The following MICU3 variants were observed in gnomAD, a reference collection of about 807,000 sequenced individuals.
The protein encoded by MICU3 is calcium uptake protein 3, mitochondrial.
A neutral mutation model predicts 66.5 loss-of-function variants in MICU3; 62 were observed. That is an observed-to-expected ratio of 0.93 (90% confidence interval 0.76 to 1.15). The LOEUF is 1.15. Among genes scored for constraint, MICU3 ranks in the 50% most tolerant of loss-of-function variants. The pLI is 0.00. For synonymous variants in MICU3, 308 were observed against 240.7 expected (o/e 1.28, Z -2.59); for missense variants, 779 against 664.4 (o/e 1.17, Z -1.90).
chr8:17,092,732 A>C (rs1800210342), intron 8 of MICU3, among the ~76,000 whole-genome samples: 1 of 152,104 alleles, frequency 6.6e-6, no homozygotes, highest in South Asian at 2.1e-4. Flanking sequence ...CAATTAGAAA[A>C]AAATTCCAAC....
At chr8:17,049,932 C>T (rs1815776437) in intron 1 of MICU3, among the ~76,000 whole-genome samples, 1 of 151,586 alleles carries the variant, frequency 6.6e-6, no homozygotes. Flanking sequence ...TTTTTTTCAC[C>T]CTAGTGTGTA....
chr8:17,074,590 CGTGTGTGTGTGTGTGTGTGTGTGTGT>C (rs35861279), intron 3 of MICU3, among the ~76,000 whole-genome samples: 2 of 141,944 alleles, frequency 1.4e-5, no homozygotes, highest in African/African-American at 2.5e-5. Flanking sequence ...GATGTTAAAA[CGTGTGTGTGTGTGTGTGTGTGTGTGT>C]GTGTGTGTGT....
At chr8:17,032,845 C>T (rs1812326478) in intron 1 of MICU3, among the ~76,000 whole-genome samples, 1 of 152,104 alleles carries the variant, frequency 6.6e-6, no homozygotes, top group South Asian at 2.1e-4. Context: ...GTTTCTGTGT[C>T]ATGTTTTGAT....
intron 2 of MICU3, 143 bp downstream of exon 2, chr8:17,064,380 T>TCATATTTCTTACAAACTCTTCA: frequency 1.8e-6 from 1 of 546,972 alleles, no homozygotes; most frequent in East Asian, 3.1e-5. Context: ...TGTTACAGAC[T>TCATATTTCTTACAAACTCTTCA]GATATTTCTT....
intron 11 of MICU3, among the ~76,000 whole-genome samples, chr8:17,107,416 G>A (rs528199191): frequency 1.3e-5 from 2 of 152,128 alleles, no homozygotes; most frequent in South Asian, 2.1e-4. Context: ...AAAAGGTAAA[G>A]TAAGTGGACA....
chr8:17,095,766 C>T (rs1319646925), intron 8 of MICU3, among the ~76,000 whole-genome samples: 1 of 151,568 alleles, frequency 6.6e-6, no homozygotes, highest in Non-Finnish European at 1.5e-5. Flanking sequence ...TCTTTCCTTC[C>T]TCCCTTCCTT....
At chr8:17,100,054 A>C (rs942045526) in intron 9 of MICU3, among the ~76,000 whole-genome samples, 2 of 151,788 alleles carry the variant, frequency 1.3e-5, no homozygotes, top group Non-Finnish European at 2.9e-5. Context: ...TTGTAGATAG[A>C]CTGGAGGAGC....
At chr8:17,097,919 A>C (rs73194729) in intron 8 of MICU3, among the ~76,000 whole-genome samples, 1 of 151,694 alleles carries the variant, frequency 6.6e-6, no homozygotes, top group Admixed American at 6.6e-5. Context: ...CCAAATCTCA[A>C]GTAGTTTTGA....
At position 17,114,096 on chromosome 8, in the gene MICU3, A is replaced by G; in HGVS notation, c.1261A>G (p.Ile421Val). The G allele has an allele frequency of 1.2e-6, 2 of 1,603,602 alleles. No individual in the cohort carries two copies. Among genetic ancestry groups the G allele is most frequent in the Non-Finnish European group, 1.7e-6 (2 of 1,172,786 alleles). ...VRYSIPEEKG[I>V]TFDEFRSFFQ... ...TTCATTTCCTTTCCCAATATAGGGC[A>G]TCACATTTGATGAATTCAGGTCATT... Residue 421 changes from isoleucine to valine, a missense_variant, in exon 12 of 15, where the codon ATC (isoleucine) becomes GTC (valine). Ile to Val is a conservative substitution (Grantham distance 29). Coordinates refer to ENST00000318063, the MANE Select transcript of MICU3 (RefSeq NM_181723.3).
the MICU3 span, among the ~76,000 whole-genome samples, chr8:17,128,218 T>A: frequency 7.1e-6 from 1 of 141,202 alleles, no homozygotes; most frequent in South Asian, 2.3e-4. Flanking sequence ...CAAAAGTTCC[T>A]GAGATCAGTG....
chr8:17,096,964 T>C (rs1206764065), intron 8 of MICU3, among the ~76,000 whole-genome samples: 2 of 93,672 alleles, frequency 2.1e-5, no homozygotes, highest in Non-Finnish European at 4.3e-5. Context: ...TTTGTGTGTG[T>C]GTGTGTGTGT....
Position 17,085,221 on chromosome 8 carries a change from T to C in MICU3, c.695-15T>C. On this transcript the variant is annotated splice_polypyrimidine_tract_variant and intron_variant, in intron 5 of 14. Transcript: ENST00000318063. ...TTTTCCATTTTGTGAATACCTTCTC[T>C]GTTTTTTCTGGCAGAGCCACATGCA... 3 of 1,581,506 alleles carry C rather than the reference T, an allele frequency of 1.9e-6. No individual in the cohort carries two copies. Among genetic ancestry groups the C allele is most frequent in the Non-Finnish European group, 2.6e-6 (3 of 1,159,422 alleles).
intron 3 of MICU3, among the ~76,000 whole-genome samples, chr8:17,074,089 G>A (rs1041449760): frequency 2.0e-5 from 3 of 150,674 alleles, no homozygotes; most frequent in East Asian, 1.9e-4. Context: ...TAGTAGAGAG[G>A]GGGTTTCACC....
rs182574555 is a variant in MICU3, at chr8:17,106,913, C to T, written c.1257+1329C>T. On this transcript the variant is annotated intron_variant, in intron 11 of 14. Coordinates refer to ENST00000318063, the MANE Select transcript of MICU3 (RefSeq NM_181723.3). Reference sequence around the variant, plus strand: ...CTTACCACACTCTACTTATGTCTTTCCCCTCCTTCCGCCTACTTAACTCTT... The same window carrying T: ...CTTACCACACTCTACTTATGTCTTTTCCCTCCTTCCGCCTACTTAACTCTT... Among the ~76,000 whole-genome samples, 3 of 152,162 alleles carry T rather than the reference C, an allele frequency of 2.0e-5. 1 individual carries two copies. Among genetic ancestry groups the T allele is most frequent in the Admixed American group, 2.0e-4 (3 of 15,272 alleles).
At chr8:17,138,554 T>C in the MICU3 span, among the ~76,000 whole-genome samples, 3 of 152,166 alleles carry the variant, frequency 2.0e-5, no homozygotes, top group African/African-American at 7.2e-5. Context: ...CTGGAAAGAA[T>C]ACTGGTCACC....
chr8:17,031,889 C>G (rs1003932523), intron 1 of MICU3, among the ~76,000 whole-genome samples: 3 of 152,180 alleles, frequency 2.0e-5, no homozygotes, highest in African/African-American at 7.2e-5. Context: ...ATATCTCTCT[C>G]TACTTTCAGA....
intron 1 of MICU3, chr8:17,049,535 G>A (rs1815690049): frequency 2.0e-6 from 1 of 506,146 alleles, no homozygotes; most frequent in East Asian, 5.7e-5. Flanking sequence ...TTTTATAGTT[G>A]AAAATGCTAA....
At chr8:17,048,940 G>T (rs1300665528) in intron 1 of MICU3, among the ~76,000 whole-genome samples, 1 of 152,148 alleles carries the variant, frequency 6.6e-6, no homozygotes, top group African/African-American at 2.4e-5. Flanking sequence ...TGGCCTGGGT[G>T]CATATACTCT....
At chr8:17,043,452 A>G (rs1400781017) in intron 1 of MICU3, among the ~76,000 whole-genome samples, 1 of 152,224 alleles carries the variant, frequency 6.6e-6, no homozygotes, top group Non-Finnish European at 1.5e-5. Context: ...GGATATTGAG[A>G]AAGGTTTTGA....
Sources: allele counts gnomAD v4.1 joint callset (sites outside exome capture counted in the v4.1 genomes callset), GRCh38; gene constraint gnomAD v4.1.1; transcripts MANE v1.5; gene names NCBI Gene and HGNC (gene_info 2026-07-23, HGNC 2026-07-21).